The following ANXA8 variants were observed in gnomAD, a reference collection of about 807,000 sequenced individuals.
The protein encoded by ANXA8 is VAC-beta.
Under a neutral mutation model 26.8 loss-of-function variants are expected in ANXA8, and 9 were observed. That is an observed-to-expected ratio of 0.34 (90% CI 0.20 to 0.59). The LOEUF (loss-of-function observed/expected upper bound fraction) is 0.59. ANXA8 is among the 20% of genes least tolerant of loss of function. ANXA8 has a pLI of 0.84. For missense variants in ANXA8, 83 were observed against 238.5 expected (o/e 0.35, Z 4.29); for synonymous variants, 39 against 94.8 (o/e 0.41, Z 3.42).
the ANXA8 span, chr10:47,706,811 A>G: frequency 9.0e-3 from 8,670 of 964,402 alleles, 812 homozygotes; most frequent in Non-Finnish European, 0.011. Flanking sequence ...GAAGAAGCAA[A>G]CTGCCCGTTC....
chr10:47,895,112 C>A, the ANXA8 span, among the ~76,000 whole-genome samples: 31 of 151,952 alleles, frequency 2.0e-4, no homozygotes, highest in African/African-American at 7.5e-4. Flanking sequence ...CATAAACACA[C>A]ACACACTTAA....
At chr10:47,658,850 ATTTATTTATTTATTT>A in the ANXA8 span, among the ~76,000 whole-genome samples, 1 of 89,624 alleles carries the variant, frequency 1.1e-5, no homozygotes, top group Non-Finnish European at 2.1e-5. Context: ...TTTATTTATT[ATTTATTTATTTATTT>A]ATTTATTTAT....
At chr10:47,593,678 GAAATGAAGCCAATCAATCAC>G in the ANXA8 span, among the ~76,000 whole-genome samples, 1 of 149,696 alleles carries the variant, frequency 6.7e-6, no homozygotes, top group Non-Finnish European at 1.5e-5. Flanking sequence ...CAACTACAGA[GAAATGAAGCCAATCAATCAC>G]ATACACCACT....
At chr10:47,960,526 C>A in the ANXA8 span, among the ~76,000 whole-genome samples, 44 of 150,036 alleles carry the variant, frequency 2.9e-4, 2 homozygotes, top group African/African-American at 1.1e-3. Flanking sequence ...CTGAGCATTG[C>A]TTTATGCATA....
At chr10:47,480,843 T>C (rs1186587165) in intron 1 of ANXA8, among the ~76,000 whole-genome samples, 1 of 81,940 alleles carries the variant, frequency 1.2e-5, no homozygotes, top group Non-Finnish European at 2.5e-5. Context: ...CACCCACCCA[T>C]CCATCTATGC....
At chr10:47,748,599 C>T in the ANXA8 span, among the ~76,000 whole-genome samples, 1 of 152,300 alleles carries the variant, frequency 6.6e-6, no homozygotes, top group East Asian at 1.9e-4. Flanking sequence ...GGACACATTT[C>T]TTCTTTTCTT....
At chr10:47,722,575 T>C in the ANXA8 span, among the ~76,000 whole-genome samples, 3 of 140,070 alleles carry the variant, frequency 2.1e-5, 1 homozygote, top group South Asian at 2.2e-4. Context: ...CTCATTCATA[T>C]GGCTGACAAG....
the ANXA8 span, among the ~76,000 whole-genome samples, chr10:47,515,654 A>G: frequency 7.5e-6 from 1 of 133,074 alleles, no homozygotes; most frequent in Admixed American, 7.8e-5. Flanking sequence ...CCTGAGATAT[A>G]AAGAAAACTG....
At chr10:47,689,376 C>T in the ANXA8 span, among the ~76,000 whole-genome samples, 2 of 151,818 alleles carry the variant, frequency 1.3e-5, no homozygotes, top group Admixed American at 6.6e-5. Context: ...CGGCGTTTCA[C>T]GCTGTTAGGC....
the ANXA8 span, chr10:47,496,116 G>A: frequency 2.0e-5 from 3 of 151,610 alleles, no homozygotes; most frequent in Admixed American, 2.0e-4. Context: ...GTACAGAGGT[G>A]AGGCTGACGC....
chr10:47,561,902 T>C, the ANXA8 span, among the ~76,000 whole-genome samples: 1 of 150,998 alleles, frequency 6.6e-6, no homozygotes, highest in African/African-American at 2.4e-5. Context: ...CTCTTTTAAA[T>C]ACAGTGGTCA....
chr10:47,495,120 C>T, the ANXA8 span, among the ~76,000 whole-genome samples: 2 of 151,028 alleles, frequency 1.3e-5, no homozygotes, highest in Non-Finnish European at 1.5e-5. Flanking sequence ...TCCACTAGGG[C>T]CAGACAGTGA....
chr10:47,474,215 T>C (rs1285813555), intron 8 of ANXA8, 90 bp downstream of exon 8: 1 of 1,425,604 alleles, frequency 7.0e-7, no homozygotes, highest in Non-Finnish European at 9.6e-7. Context: ...TCTCCCTAAC[T>C]CTAGACTTGA....
the ANXA8 span, chr10:47,543,470 T>C: frequency 1.0e-5 from 2 of 198,330 alleles, no homozygotes; most frequent in South Asian, 4.6e-5. Flanking sequence ...TCATTTTTCA[T>C]TTTTCCTGAG....
chr10:47,743,313 C>CATATATATACACATATATATAT, the ANXA8 span, among the ~76,000 whole-genome samples: 1 of 27,568 alleles, frequency 3.6e-5, no homozygotes, highest in Admixed American at 5.4e-4. Flanking sequence ...TATATATATA[C>CATATATATACACATATATATAT]ACATATATAT....
At chr10:47,684,368 T>A in the ANXA8 span, among the ~76,000 whole-genome samples, 1 of 149,660 alleles carries the variant, frequency 6.7e-6, no homozygotes, top group African/African-American at 2.4e-5. Flanking sequence ...AAACACTTTT[T>A]AAAAATTTAC....
chr10:47,743,317 T>TATATATATATAC, the ANXA8 span, among the ~76,000 whole-genome samples: 1 of 40,892 alleles, frequency 2.4e-5, no homozygotes, highest in Non-Finnish European at 4.7e-5. Flanking sequence ...TATATACACA[T>TATATATATATAC]ATATATATAT....
chr10:47,640,858 AT>A, the ANXA8 span, among the ~76,000 whole-genome samples: 1 of 132,676 alleles, frequency 7.5e-6, no homozygotes, highest in African/African-American at 3.3e-5. Flanking sequence ...AAACAGAATG[AT>A]TAGTTCTGAA....
At chr10:47,664,490 C>T in the ANXA8 span, among the ~76,000 whole-genome samples, 1 of 151,558 alleles carries the variant, frequency 6.6e-6, no homozygotes, top group East Asian at 1.9e-4. Context: ...ATCGCTTGAA[C>T]TCGGGAGGCG....
Sources: gnomAD v4.1 joint callset for allele counts (sites outside exome capture counted in the v4.1 genomes callset) on GRCh38, gnomAD v4.1.1 for gene constraint, MANE v1.5 for transcripts, NCBI Gene and HGNC (gene_info 2026-07-23, HGNC 2026-07-21) for gene names.